Variants in FRAS1 observed in about 807,000 individuals in gnomAD.
FRAS1 encodes the protein Fraser extracellular matrix complex subunit 1.
A neutral mutation model predicts 435.2 loss-of-function variants in FRAS1; 290 were observed. The ratio of observed to expected loss-of-function variants is 0.67; its 90% confidence interval spans 0.61 to 0.73. The LOEUF is 0.73. FRAS1 is among the 30% of genes least tolerant of loss of function. The pLI is 0.00. For missense variants in FRAS1, 4,860 were observed against 5,001.5 expected (o/e 0.97, Z 0.85); for synonymous variants, 1,800 against 1,851.0 (o/e 0.97, Z 0.71).
intron 27 of FRAS1, 141 bp from the exon 28 acceptor site, chr4:78,383,918 A>G: frequency 7.0e-6 from 4 of 572,030 alleles, no homozygotes; most frequent in Admixed American, 3.8e-5. Flanking sequence ...TTTTTTCTTT[A>G]TAGTATGAGT....
At chr4:78,535,877 C>A (rs1250775226) in intron 71 of FRAS1, among the ~76,000 whole-genome samples, 1 of 152,174 alleles carries the variant, frequency 6.6e-6, no homozygotes, top group Non-Finnish European at 1.5e-5. Flanking sequence ...AGGAGCCTCT[C>A]CTGCCAGAGC....
At chr4:78,132,908 G>T (rs1578144939) in intron 2 of FRAS1, among the ~76,000 whole-genome samples, 2 of 152,144 alleles carry the variant, frequency 1.3e-5, no homozygotes, top group Non-Finnish European at 2.9e-5. Flanking sequence ...GGAGCTGTCT[G>T]CTGGCCCACG....
At chr4:78,273,140 T>G (rs1020655078) in intron 9 of FRAS1, among the ~76,000 whole-genome samples, 1 of 152,232 alleles carries the variant, frequency 6.6e-6, no homozygotes, top group African/African-American at 2.4e-5. Flanking sequence ...ATAAGAATGC[T>G]TGTGATTTTT....
chr4:78,371,569 A>T (rs1281900700), intron 23 of FRAS1, among the ~76,000 whole-genome samples: 1 of 152,204 alleles, frequency 6.6e-6, no homozygotes, highest in Non-Finnish European at 1.5e-5. Flanking sequence ...AATGGGTACT[A>T]TTCTCACCCA....
chr4:78,187,771 T>G (rs921270082), intron 2 of FRAS1, among the ~76,000 whole-genome samples: 1 of 151,974 alleles, frequency 6.6e-6, no homozygotes, highest in Non-Finnish European at 1.5e-5. Flanking sequence ...ACCCGGCTAA[T>G]TTTTTGTATT....
At chr4:78,189,905 A>G (rs1344187942) in intron 2 of FRAS1, among the ~76,000 whole-genome samples, 1 of 135,712 alleles carries the variant, frequency 7.4e-6, no homozygotes, top group Non-Finnish European at 1.6e-5. Context: ...CTCCACATCC[A>G]ATGCATATAA....
chr4:78,354,460 G>A (rs1283683665), intron 20 of FRAS1, among the ~76,000 whole-genome samples: 1 of 152,116 alleles, frequency 6.6e-6, no homozygotes, highest in Non-Finnish European at 1.5e-5. Context: ...ATGATCAAAA[G>A]GGAAAGAGAT....
intron 14 of FRAS1, among the ~76,000 whole-genome samples, chr4:78,295,134 A>T (rs538102375): frequency 6.6e-6 from 1 of 152,354 alleles, no homozygotes; most frequent in East Asian, 1.9e-4. Context: ...TGGCTATGCA[A>T]TCATTCATTT....
chr4:78,488,898 G>T lies in FRAS1; in HGVS notation c.8776G>T (p.Asp2926Tyr), dbSNP rs1720254275. 4.3e-6 allele frequency: 7 copies of T among 1,612,836 alleles called. No homozygotes were observed. The highest frequency in any genetic ancestry group is 1.3e-5 in the African/African-American group (1 of 75,014). ...AGTGCCCAGCATGCAGTTTGCCAAG[G>T]ATTTGCTCCTAGTGAAGGAGAAGGA... ...QDVPSMQFAK[D>Y]LLLVKEKEGV... Residue 2926 changes from aspartate to tyrosine, a missense_variant, in exon 59 of 74, where the codon GAT becomes TAT. Coordinates refer to ENST00000512123, the MANE Select transcript of FRAS1 (RefSeq NM_025074.7).
At chr4:78,127,481 G>A (rs1485959934) in intron 2 of FRAS1, among the ~76,000 whole-genome samples, 1 of 152,212 alleles carries the variant, frequency 6.6e-6, no homozygotes, top group African/African-American at 2.4e-5. Flanking sequence ...TGATAGTGGT[G>A]TTAACCAAGA....
chr4:78,325,579 T>C (rs952297213), intron 18 of FRAS1, among the ~76,000 whole-genome samples: 6 of 152,228 alleles, frequency 3.9e-5, no homozygotes, highest in Non-Finnish European at 7.3e-5. Context: ...CTTCTGGTAA[T>C]GTTCAGTCTT....
intron 2 of FRAS1, among the ~76,000 whole-genome samples, chr4:78,187,865 A>C (rs1366862032): frequency 6.6e-6 from 1 of 152,164 alleles, no homozygotes; most frequent in Non-Finnish European, 1.5e-5. Flanking sequence ...GGCCTCCCAA[A>C]GTGCTAGGAT....
At chr4:78,319,407 T>C (rs1422147720) in intron 18 of FRAS1, 1 of 457,224 alleles carries the variant, frequency 2.2e-6, no homozygotes, top group Non-Finnish European at 4.4e-6. Context: ...TTCTGCTGTT[T>C]GCCTTGGCAT....
chr4:78,334,605 G>A (rs528230698), intron 19 of FRAS1, among the ~76,000 whole-genome samples: 20 of 151,878 alleles, frequency 1.3e-4, no homozygotes. Context: ...TCGTGACCTC[G>A]TGATCCACCC....
rs549349296 is a variant in FRAS1, at chr4:78,345,194, A to G, written c.2422+7377A>G. ...TATTAATACTAGTAATGGTGTGTTT[A>G]TAAAGTTTTATAATTTTCAAAGCAT... On this transcript the variant is annotated intron_variant, in intron 20 of 73. Transcript: ENST00000512123. Among the ~76,000 whole-genome samples the G allele has an allele frequency of 2.0e-5, 3 of 152,314 alleles. No individual in the cohort carries two copies. The South Asian group carries it at 6.2e-4, about 32-fold the overall frequency.
At chr4:78,328,674 C>T (rs1003762236) in intron 18 of FRAS1, among the ~76,000 whole-genome samples, 2 of 151,966 alleles carry the variant, frequency 1.3e-5, no homozygotes, top group African/African-American at 4.8e-5. Context: ...GAAACCATGC[C>T]CTAAAAATTT....
At chr4:78,447,746 G>T (rs1240175624) in intron 43 of FRAS1, among the ~76,000 whole-genome samples, 1 of 152,196 alleles carries the variant, frequency 6.6e-6, no homozygotes, top group Non-Finnish European at 1.5e-5. Flanking sequence ...TTTAGATAAT[G>T]AAGTGAGTTT....
intron 2 of FRAS1, among the ~76,000 whole-genome samples, chr4:78,220,488 T>C (rs1724006545): frequency 6.6e-6 from 1 of 152,194 alleles, no homozygotes; most frequent in South Asian, 2.1e-4. Flanking sequence ...TGGCCCACAA[T>C]GTCGAGGTTG....
chr4:78,492,437 C>T (rs1437475779), intron 59 of FRAS1, among the ~76,000 whole-genome samples: 3 of 152,038 alleles, frequency 2.0e-5, no homozygotes, highest in African/African-American at 7.2e-5. Flanking sequence ...GTAGTGGTAC[C>T]AAAAGAGATA....
Sources: allele counts gnomAD v4.1 joint callset (sites outside exome capture counted in the v4.1 genomes callset), GRCh38; gene constraint gnomAD v4.1.1; transcripts MANE v1.5; gene names NCBI Gene and HGNC (gene_info 2026-07-23, HGNC 2026-07-21).